Variants in HSD17B4 observed in about 807,000 individuals in gnomAD.
The protein encoded by HSD17B4 is hydroxysteroid 17-beta dehydrogenase 4.
Under a neutral mutation model 101.0 loss-of-function variants are expected in HSD17B4, and 70 were observed. The ratio of observed to expected loss-of-function variants is 0.69; its 90% confidence interval spans 0.57 to 0.85. The LOEUF (loss-of-function observed/expected upper bound fraction) is 0.85, where lower values mean the gene tolerates loss of function less well. Among genes scored for constraint, HSD17B4 ranks in the 40% least tolerant of loss-of-function variants. The probability of loss-of-function intolerance (pLI) is 0.00; values close to 1 mark genes in which losing one functional copy is unlikely to be tolerated. For synonymous variants in HSD17B4, 347 were observed against 297.1 expected, an observed-to-expected ratio of 1.17 and a Z score of -1.73; for missense variants, 984 against 892.4, an observed-to-expected ratio of 1.10 and a Z score of -1.31.
intron 4 of HSD17B4, among the ~76,000 whole-genome samples, chr5:119,475,130 G>A (rs1748458616): frequency 6.6e-6 from 1 of 151,974 alleles, no homozygotes; most frequent in Non-Finnish European, 1.5e-5. Flanking sequence ...GAACTCATAA[G>A]AACCATGTTC....
At chr5:119,517,501 C>T (rs161854) in intron 17 of HSD17B4, among the ~76,000 whole-genome samples, 40,820 of 152,192 alleles carry the variant, frequency 0.27, 6,760 homozygotes, top group East Asian at 0.4. Flanking sequence ...GCGTACCGCG[C>T]GGGACTGGCA....
intron 14 of HSD17B4, among the ~76,000 whole-genome samples, 176 bp downstream of exon 14, chr5:119,502,268 C>T (rs1244330653): frequency 6.6e-6 from 1 of 152,070 alleles, no homozygotes; most frequent in African/African-American, 2.4e-5. Flanking sequence ...GTTTTGGTCA[C>T]CTTAAGCTTT....
chr5:119,536,155 G>A (rs1367352375), intron 22 of HSD17B4: 4 of 412,340 alleles, frequency 9.7e-6, no homozygotes, highest in Non-Finnish European at 1.8e-5. Context: ...TAAACTCAAG[G>A]TGATGGTGGT....
intron 19 of HSD17B4, among the ~76,000 whole-genome samples, chr5:119,526,860 G>A (rs528585951): frequency 1.3e-5 from 2 of 151,926 alleles, no homozygotes; most frequent in African/African-American, 4.8e-5. Flanking sequence ...CACCTAATAT[G>A]ATTATGGTTT....
chr5:119,508,659 C>A (rs1164169582), intron 15 of HSD17B4, among the ~76,000 whole-genome samples: 4 of 152,134 alleles, frequency 2.6e-5, no homozygotes, highest in Non-Finnish European at 5.9e-5. Flanking sequence ...TGTACAGGAA[C>A]TATTCTAGTT....
At chr5:119,458,825 A>G (rs1754930589) in intron 2 of HSD17B4, among the ~76,000 whole-genome samples, 1 of 152,192 alleles carries the variant, frequency 6.6e-6, no homozygotes, top group South Asian at 2.1e-4. Flanking sequence ...ATCTTTCAGG[A>G]AATGCTTGTG....
intron 6 of HSD17B4, among the ~76,000 whole-genome samples, chr5:119,477,039 T>C (rs1282519041): frequency 6.6e-6 from 1 of 152,186 alleles, no homozygotes; most frequent in Non-Finnish European, 1.5e-5. Flanking sequence ...CTTAATGAGC[T>C]ATGTGATTTA....
rs1751927669 is a variant in HSD17B4, at chr5:119,509,116, AT to A, written c.1334-19del. Reference sequence around the variant, plus strand: ...ATGCCTTTTGGTGGTAACTTCTTTTATTTTTTCTTTTATTTACTTTTCAGTC... The same window carrying A: ...ATGCCTTTTGGTGGTAACTTCTTTTATTTTTCTTTTATTTACTTTTCAGTC... On this transcript the variant is annotated intron_variant, in intron 15 of 23. Transcript: ENST00000510025. 7 of 1,290,436 alleles carry A rather than the reference AT, an allele frequency of 5.4e-6. No individual in the cohort carries two copies. The Admixed American group carries it at 1.0e-4, about 19-fold the overall frequency. The allele number at this position is 1,290,436 out of a possible 1,614,324, so 79.9% of individuals were successfully genotyped here. A position where few individuals can be genotyped will look rare whatever the true frequency, so the allele number is the denominator to read the frequency against.
At chr5:119,515,658 A>G (rs1194349060) in intron 17 of HSD17B4, among the ~76,000 whole-genome samples, 1 of 152,184 alleles carries the variant, frequency 6.6e-6, no homozygotes, top group Non-Finnish European at 1.5e-5. Context: ...TAAAAGTGAG[A>G]AAAGCAAGTT....
intron 21 of HSD17B4, 76 bp from the exon 22 acceptor site, chr5:119,531,190 C>A (rs1754061843): frequency 8.2e-6 from 12 of 1,456,684 alleles, no homozygotes; most frequent in Middle Eastern, 1.8e-4. Flanking sequence ...CTTTTTTTTG[C>A]ACATGTTTTA....
At chr5:119,540,079 C>G (rs957398801) in intron 23 of HSD17B4, among the ~76,000 whole-genome samples, 2 of 151,944 alleles carry the variant, frequency 1.3e-5, no homozygotes, top group Non-Finnish European at 2.9e-5. Context: ...AGAGCAAGAC[C>G]CTGTGTCAAT....
chr5:119,503,743 G>GT (rs140483267), intron 14 of HSD17B4, among the ~76,000 whole-genome samples: 25,370 of 139,868 alleles, frequency 0.18, 2,514 homozygotes, highest in East Asian at 0.53. Flanking sequence ...TTTTCTGTCT[G>GT]TTTTTTTTTT....
chr5:119,520,195 C>G (rs1459830072), intron 17 of HSD17B4, among the ~76,000 whole-genome samples: 1 of 151,392 alleles, frequency 6.6e-6, no homozygotes, highest in Non-Finnish European at 1.5e-5. Context: ...TTCCAAGACT[C>G]TGGGTTGACT....
intron 9 of HSD17B4, among the ~76,000 whole-genome samples, chr5:119,489,684 T>C (rs1749920843): frequency 6.6e-6 from 1 of 152,190 alleles, no homozygotes; most frequent in African/African-American, 2.4e-5. Context: ...TTGTGACAAC[T>C]ACAAGTCATA....
chr5:119,472,697 G>C (rs1426940064), intron 2 of HSD17B4: 4 of 152,276 alleles, frequency 2.6e-5, no homozygotes, highest in African/African-American at 9.6e-5. Flanking sequence ...ACCTCCCAAA[G>C]TGTTGGGATT....
chr5:119,467,352 CT>C (rs1755911533), intron 2 of HSD17B4, among the ~76,000 whole-genome samples: 1 of 152,144 alleles, frequency 6.6e-6, no homozygotes, highest in African/African-American at 2.4e-5. Flanking sequence ...TGTTGATTTT[CT>C]TTCTGGATGA....
At chr5:119,465,845 T>G (rs1489111530) in intron 2 of HSD17B4, among the ~76,000 whole-genome samples, 1 of 152,220 alleles carries the variant, frequency 6.6e-6, no homozygotes, top group African/African-American at 2.4e-5. Flanking sequence ...TCCTGGCTAG[T>G]ACTTTCAGCA....
chr5:119,506,545 C>A (rs547352193), intron 14 of HSD17B4, among the ~76,000 whole-genome samples: 180 of 152,258 alleles, frequency 1.2e-3, no homozygotes, highest in African/African-American at 3.9e-3. Context: ...AATGGGATTG[C>A]TGGGTCAAAT....
intron 13 of HSD17B4, among the ~76,000 whole-genome samples, chr5:119,501,822 A>G (rs1407223038): frequency 6.6e-6 from 1 of 152,144 alleles, no homozygotes; most frequent in African/African-American, 2.4e-5. Context: ...AAAGAACACA[A>G]ATATATCTTC....
Sources: gnomAD v4.1 joint callset for allele counts (sites outside exome capture counted in the v4.1 genomes callset) on GRCh38, gnomAD v4.1.1 for gene constraint, MANE v1.5 for transcripts, NCBI Gene and HGNC (gene_info 2026-07-23, HGNC 2026-07-21) for gene names.